Variants in RADIL observed in about 807,000 individuals in gnomAD.
RADIL encodes the protein ras-associating and dilute domain-containing protein.
Under a neutral mutation model 97.6 loss-of-function variants are expected in RADIL, and 99 were observed. The observed-to-expected ratio is 1.01, with a 90% confidence interval of 0.86 to 1.20. The LOEUF (loss-of-function observed/expected upper bound fraction) is 1.20. Ranked by LOEUF, RADIL falls within the 50% of genes most tolerant of loss-of-function variation. The pLI, the probability that RADIL is intolerant of heterozygous loss-of-function variation, is 0.00. For missense variants in RADIL, 1,765 were observed against 1,498.9 expected, an observed-to-expected ratio of 1.18 and a Z score of -2.93; for synonymous variants, 803 against 691.8, an observed-to-expected ratio of 1.16 and a Z score of -2.52.
chr7:4,880,287 C>A lies in RADIL; in HGVS notation c.-64-2084G>T, dbSNP rs1784458028. Reference sequence around the variant, plus strand: ...AGTGGCCTTGTCAAATCCTAAGAAGCTCAGAGCCGGCCGCAGCTTCCCCCA... The same window carrying A: ...AGTGGCCTTGTCAAATCCTAAGAAGATCAGAGCCGGCCGCAGCTTCCCCCA... On this transcript the variant is annotated intron_variant, in intron 1 of 14. Coordinates refer to ENST00000399583, the MANE Select transcript of RADIL (RefSeq NM_018059.5). This position sits in a 1 kb window ranked among gnomAD's most constrained non-coding sequence, Gnocchi z 4.5. 6.6e-6 allele frequency among the ~76,000 whole-genome samples: 1 copy of A among 152,194 alleles called. No homozygotes were observed.
chr7:4,879,625 T>A lies in RADIL; in HGVS notation c.-64-1422A>T, dbSNP rs1784444499. Among the ~76,000 whole-genome samples, 1 of 152,166 alleles carries A rather than the reference T, an allele frequency of 6.6e-6. No individual in the cohort carries two copies. Among genetic ancestry groups the A allele is most frequent in the African/African-American group, 2.4e-5 (1 of 41,440 alleles). On this transcript the variant is annotated intron_variant, in intron 1 of 14. Coordinates refer to ENST00000399583, the MANE Select transcript of RADIL (RefSeq NM_018059.5). The surrounding 1 kb of genome is among the most constrained non-coding windows in gnomAD (Gnocchi z 4.1). ...ACACCGCAGCAGCCAACTGTCACTG[T>A]CCAGGCTTGACTCACTCGTCACGCT...
rs141330252 is a variant in RADIL, at chr7:4,855,849, G to A, written c.536-19244C>T. Among the ~76,000 whole-genome samples the A allele has an allele frequency of 1.7e-3, 254 of 152,152 alleles. 2 individuals are homozygous for A. Among genetic ancestry groups the A allele is most frequent in the African/African-American group, 5.7e-3 (236 of 41,510 alleles). On this transcript the variant is annotated intron_variant, in intron 2 of 14. Coordinates refer to ENST00000399583, the MANE Select transcript of RADIL (RefSeq NM_018059.5). ...CTTGCTCTGTCGCTCAGGTTGGAGT[G>A]CAGTGGCCTGATCTCAGCTCACTGA...
chr7:4,802,062 G>T, intron 11 of RADIL, 67 bp from the exon 12 acceptor site: 2 of 1,335,890 alleles, frequency 1.5e-6, no homozygotes, highest in South Asian at 1.6e-5. Context: ...TCGGGCAACT[G>T]GGCAGCCTGC....
At chr7:4,827,280 G>A (rs6961387) in intron 5 of RADIL, among the ~76,000 whole-genome samples, 3,244 of 151,462 alleles carry the variant, frequency 0.021, 119 homozygotes, top group African/African-American at 0.075. Flanking sequence ...CAGGAGAATC[G>A]CTTGATCCTG....
Position 4,872,760 on chromosome 7 carries a change from CA to C in RADIL, c.535+4844del, listed in dbSNP as rs1562459452. Reference sequence around the variant, plus strand: ...CCCAAAGTGCCTGCGTGCATTTCTACAGGGGGGTAGCAGTGAACTAAGTGAT... The same window carrying C: ...CCCAAAGTGCCTGCGTGCATTTCTACGGGGGGTAGCAGTGAACTAAGTGAT... On this transcript the variant is annotated intron_variant, in intron 2 of 14. Transcript: ENST00000399583. The surrounding 1 kb of genome is among the most constrained non-coding windows in gnomAD (Gnocchi z 5.8). Among the ~76,000 whole-genome samples the C allele has an allele frequency of 6.6e-6, 1 of 152,172 alleles. No homozygotes were observed. Among genetic ancestry groups the C allele is most frequent in the African/African-American group, 2.4e-5 (1 of 41,428 alleles).
At position 4,877,726 on chromosome 7, in the gene RADIL, C is replaced by G. The variant is rs565846772; in HGVS notation, c.414G>C (p.Glu138Asp). Residue 138 changes from glutamate (E) to aspartate (D), a missense_variant, in exon 2 of 15, where the codon GAG (glutamate) becomes GAC (aspartate). Transcript: ENST00000399583. ...ARCFRVFGDS[E>D]KPLLIQELWK... The stretch of plus-strand genomic sequence containing the variant: ...ATAATTCCTGGATCAAGAGGGGCTT[C>G]TCACTGTCCCCAAACACCCGAAAGC... 2 of 1,614,104 alleles carry G rather than the reference C, an allele frequency of 1.2e-6. No individual in the cohort carries two copies. Among genetic ancestry groups the G allele is most frequent in the East Asian group, 4.5e-5 (2 of 44,882 alleles).
In RADIL at chr7:4,805,407, G is replaced by T. The variant is rs1021643091; in HGVS notation, c.2290+159C>A. On this transcript the variant is annotated intron_variant, in intron 10 of 14. Coordinates refer to ENST00000399583, the MANE Select transcript of RADIL (RefSeq NM_018059.5). ...GATCCCCAGGTTGGGGATGGGGCGG[G>T]GCGGGGGGGTCCTCTGGGTGGAGGC... 2.0e-5 allele frequency: 13 copies of T among 652,698 alleles called. No individual in the cohort carries two copies. The African/African-American group carries it at 3.2e-4, about 16-fold the overall frequency. 40.4% of individuals were successfully genotyped at this position (652,698 alleles called of 1,614,324 possible).
chr7:4,806,203 G>A (rs1434688309), intron 9 of RADIL, among the ~76,000 whole-genome samples: 13 of 152,250 alleles, frequency 8.5e-5, no homozygotes, highest in Non-Finnish European at 1.9e-4. Context: ...AGGTTGGGGT[G>A]CAGTGGCTCA....
intron 2 of RADIL, among the ~76,000 whole-genome samples, chr7:4,862,994 A>G: frequency 6.6e-6 from 1 of 152,188 alleles, no homozygotes; most frequent in East Asian, 1.9e-4. Context: ...CATGCTTTTT[A>G]TGATCTCCAG....
At position 4,817,441 on chromosome 7, in the gene RADIL, C is replaced by G; in HGVS notation, c.1616-90G>C. On this transcript the variant is annotated intron_variant, in intron 6 of 14. Transcript: ENST00000399583. This position sits in a 1 kb window ranked among gnomAD's most constrained non-coding sequence, Gnocchi z 8.3. ...CCAGCCGCCAGCTCTTTCCCTGGCG[C>G]GGGCACCACCCAACGCGCCCATCTG... 8.6e-7 allele frequency: 1 copy of G among 1,163,282 alleles called. No individual in the cohort carries two copies. The highest frequency in any genetic ancestry group is 1.2e-6 in the Non-Finnish European group (1 of 823,144). The allele number at this position is 1,163,282 out of a possible 1,614,324, so 72.1% of individuals were successfully genotyped here.
At chr7:4,861,849 C>CCGCGACCTTCACGTCCCCCACCAT (rs767252715) in intron 2 of RADIL, 8 of 1,383,036 alleles carry the variant, frequency 5.8e-6, no homozygotes, top group Non-Finnish European at 5.7e-6. Flanking sequence ...TCCCCCACCA[C>CCGCGACCTTCACGTCCCCCACCAT]CGCGACCTTC....
Position 4,837,709 on chromosome 7 carries a change from G to T in RADIL, c.536-1104C>A. 1 of 497,862 alleles carries T rather than the reference G, an allele frequency of 2.0e-6. No homozygotes were observed. 30.8% of individuals were successfully genotyped at this position (497,862 alleles called of 1,614,324 possible). A position where few individuals can be genotyped will look rare whatever the true frequency, so the allele number is the denominator to read the frequency against. Reference sequence around the variant, plus strand: ...TTAACACATACATGCACACAAACATGCGCACAGTTCAGAGATAACACACAC... The same window carrying T: ...TTAACACATACATGCACACAAACATTCGCACAGTTCAGAGATAACACACAC... On this transcript the variant is annotated intron_variant, in intron 2 of 14. Transcript: ENST00000399583. The surrounding 1 kb of genome is among the most constrained non-coding windows in gnomAD (Gnocchi z 5.6).
chr7:4,805,609 G>A lies in RADIL; in HGVS notation c.2247C>T (p.Thr749=), dbSNP rs202182013. 55 of 1,611,810 alleles carry A rather than the reference G, an allele frequency of 3.4e-5. No homozygotes were observed. In the East Asian group the frequency reaches 1.2e-3, roughly 34 times the overall value. The change falls in exon 10 of 15, where the codon ACC becomes ACT. Residue 749 remains threonine (T), a synonymous_variant. Coordinates refer to ENST00000399583, the MANE Select transcript of RADIL (RefSeq NM_018059.5). ...GGCTGTCCTGGGCCCCTGGCTCCCAGGTGCTCATGGGGCCCATGGCCGAGG... is the reference window on the plus strand; with the variant it reads ...GGCTGTCCTGGGCCCCTGGCTCCCAAGTGCTCATGGGGCCCATGGCCGAGG... ...QLASAMGPMS[T]WEPGAQDSPE... is the part of the protein sequence containing the mutation.
At chr7:4,851,197 CA>C (rs138842231) in intron 2 of RADIL, among the ~76,000 whole-genome samples, 65,399 of 135,356 alleles carry the variant, frequency 0.48, 14,799 homozygotes, top group African/African-American at 0.56. Context: ...AACTCCGTCT[CA>C]AAAAAAAAAA....
In RADIL at chr7:4,818,564, C is replaced by T. The variant is rs868650600; in HGVS notation, c.1616-1213G>A. Among the ~76,000 whole-genome samples, 1 of 152,210 alleles carries T rather than the reference C, an allele frequency of 6.6e-6. No homozygotes were observed. Among genetic ancestry groups the T allele is most frequent in the Non-Finnish European group, 1.5e-5 (1 of 68,030 alleles). On this transcript the variant is annotated intron_variant, in intron 6 of 14. Coordinates refer to ENST00000399583, the MANE Select transcript of RADIL (RefSeq NM_018059.5). The surrounding 1 kb of genome is among the most constrained non-coding windows in gnomAD (Gnocchi z 7.1). ...GGGGTCCGGGGCAGTAAGGGGCTCT[C>T]GGGCTCTGCCAACCTCAACACTGTG...
At chr7:4,808,378 C>A (rs191845634) in intron 9 of RADIL, among the ~76,000 whole-genome samples, 1 of 151,994 alleles carries the variant, frequency 6.6e-6, no homozygotes, top group African/African-American at 2.4e-5. Context: ...GATACTATAT[C>A]TTCTCTTATT....
chr7:4,854,327 T>G lies in RADIL; in HGVS notation c.536-17722A>C, dbSNP rs562009023. On this transcript the variant is annotated intron_variant, in intron 2 of 14. Coordinates refer to ENST00000399583, the MANE Select transcript of RADIL (RefSeq NM_018059.5). This position sits in a 1 kb window ranked among gnomAD's most constrained non-coding sequence, Gnocchi z 5.1. ...GCAATTCCAAACTGATGAGGGGGCA[T>G]TAGGTGGGGTTTTCTGTTTGCTTTT... is the stretch of plus-strand genomic sequence containing the variant. Among the ~76,000 whole-genome samples, 309 of 152,234 alleles carry G rather than the reference T, an allele frequency of 2.0e-3. 1 individual carries two copies. Among genetic ancestry groups the G allele is most frequent in the Middle Eastern group, 0.014 (4 of 294 alleles).
rs989179061 is a variant in RADIL at position 4,821,076 on chromosome 7, C to G, written c.1615+1318G>C. ...AGCTGAGTACACAGAGACCCCGCAG[C>G]GTCTGGTAGACTGAGCCTGTGGGAG... On this transcript the variant is annotated intron_variant, in intron 6 of 14. Transcript: ENST00000399583. This position sits in a 1 kb window ranked among gnomAD's most constrained non-coding sequence, Gnocchi z 5.2. 6.6e-4 allele frequency among the ~76,000 whole-genome samples: 101 copies of G among 152,326 alleles called. 1 individual carries two copies. The highest frequency in any genetic ancestry group is 2.3e-3 in the African/African-American group (96 of 41,576).
rs1409032122 is a variant in RADIL at position 4,836,380 on chromosome 7, A to C, written c.761T>G (p.Leu254Arg). 1.3e-6 allele frequency: 2 copies of C among 1,574,130 alleles called. No homozygotes were observed. The highest frequency in any genetic ancestry group is 1.7e-6 in the Non-Finnish European group (2 of 1,159,792). The change falls in exon 3 of 15, where the codon CTG (leucine) becomes CGG (arginine). Residue 254 changes from leucine (L) to arginine (R), a missense_variant. Leu to Arg is a moderately radical substitution (Grantham distance 102). Coordinates refer to ENST00000399583, the MANE Select transcript of RADIL (RefSeq NM_018059.5). The part of the protein sequence containing the change: ...SLYQSPHLLL[L>R]QGYSQQHDSL... ...CACGTGCTGCTGGCTGTAGCCCTGC[A>C]GAAGGAGCAGATGCGGGGACTGGTA...
Sources: gnomAD v4.1 joint callset for allele counts (sites outside exome capture counted in the v4.1 genomes callset) on GRCh38, gnomAD v4.1.1 for gene constraint, Gnocchi (gnomAD v3.1) non-coding constraint, MANE v1.5 for transcripts, NCBI Gene and HGNC (gene_info 2026-07-23, HGNC 2026-07-21) for gene names.